The following FBXO27 variants were observed in gnomAD, a reference collection of about 807,000 sequenced individuals.
The protein encoded by FBXO27 is F-box protein 27.
FBXO27 carries 28 observed loss-of-function variants against 28.3 expected under a neutral mutation model. That is an observed-to-expected ratio of 0.99 (90% CI 0.73 to 1.36). The LOEUF (loss-of-function observed/expected upper bound fraction) is 1.36, where lower values mean the gene tolerates loss of function less well. Ranked by LOEUF, FBXO27 falls within the 40% of genes most tolerant of loss-of-function variation. The pLI is 0.00. For synonymous variants in FBXO27, 175 were observed against 167.3 expected (o/e 1.05, Z -0.36); for missense variants, 388 against 394.1 (o/e 0.98, Z 0.13).
At chr19:39,006,939 G>A (rs1457539669) in intron 2 of FBXO27, among the ~76,000 whole-genome samples, 1 of 151,780 alleles carries the variant, frequency 6.6e-6, no homozygotes, top group Non-Finnish European at 1.5e-5. Context: ...AAGGCATGGT[G>A]GTGTGCGCCT....
At chr19:39,018,874 G>C (rs2072831480) in intron 1 of FBXO27, among the ~76,000 whole-genome samples, 1 of 150,150 alleles carries the variant, frequency 6.7e-6, no homozygotes, top group Non-Finnish European at 1.5e-5. Flanking sequence ...TTCGAGACCA[G>C]CCTGGCCAAC....
At chr19:39,018,884 C>T (rs56405021) in intron 1 of FBXO27, among the ~76,000 whole-genome samples, 22 of 150,766 alleles carry the variant, frequency 1.5e-4, no homozygotes, top group African/African-American at 2.4e-4. Flanking sequence ...GCCTGGCCAA[C>T]GTGGCGAAAC....
Position 39,031,277 on chromosome 19 carries a change from C to T in FBXO27, c.408G>A (p.Trp136Ter), listed in dbSNP as rs901294561. The T allele has an allele frequency of 6.2e-7, 1 of 1,614,078 alleles. No individual in the cohort carries two copies. Among genetic ancestry groups the T allele is most frequent in the African/African-American group, 1.3e-5 (1 of 75,034 alleles). The change falls in exon 3 of 6, where the codon TGG (tryptophan) becomes TGA (stop). Residue 136 changes from tryptophan (W) to a stop codon, truncating the protein, a stop_gained. Coordinates refer to ENST00000292853, the MANE Select transcript of FBXO27 (RefSeq NM_178820.5). LOFTEE classifies it high-confidence loss of function. Reference protein sequence around the residue: ...KWMVQHGGDGWVVEENRTTVP... With the variant: ...KWMVQHGGDG Reference sequence around the variant, plus strand: ...CGGTTGTCCTGTTTTCCTCCACCACCCAGCCGTCCCCACCGTGTTGCACCA... The same window carrying T: ...CGGTTGTCCTGTTTTCCTCCACCACTCAGCCGTCCCCACCGTGTTGCACCA...
chr19:39,019,379 C>A (rs71356830), downstream of FBXO27, among the ~76,000 whole-genome samples: 3 of 114,918 alleles, frequency 2.6e-5, no homozygotes, highest in African/African-American at 9.9e-5. Context: ...GAGCCGAGAT[C>A]GTGCCATTGC....
chr19:39,026,901 A>G lies in FBXO27; in HGVS notation c.677T>C (p.Ile226Thr). ...LDKFSAVPDP[I>T]PQWNNNACLH... ...GCAGGCATTGTTGTTCCACTGCGGGATGGGATCAGGCACAGCAGAGAATTT... is the reference window on the plus strand; with the variant it reads ...GCAGGCATTGTTGTTCCACTGCGGGGTGGGATCAGGCACAGCAGAGAATTT... The change falls in exon 5 of 6, where the codon ATC (isoleucine) becomes ACC (threonine). Residue 226 changes from isoleucine to threonine, a missense_variant. Coordinates refer to ENST00000292853, the MANE Select transcript of FBXO27 (RefSeq NM_178820.5). 1 of 1,614,104 alleles carries G rather than the reference A, an allele frequency of 6.2e-7. No individual in the cohort carries two copies.
Position 39,032,114 on chromosome 19 carries a change from C to A in FBXO27, c.114G>T (p.Leu38=). The A allele has an allele frequency of 6.5e-7, 1 of 1,534,042 alleles. No homozygotes were observed. Among genetic ancestry groups the A allele is most frequent in the Non-Finnish European group, 8.7e-7 (1 of 1,148,444 alleles). ...QLPPELLLVV[L]SHVPPRTLLG... ...GCAGCGTGCGCGGGGGGACGTGGCTCAGCACCACCAGAAGCAGCTCTGGGG... is the reference window on the plus strand; with the variant it reads ...GCAGCGTGCGCGGGGGGACGTGGCTAAGCACCACCAGAAGCAGCTCTGGGG... The change falls in exon 2 of 6, where the codon CTG becomes CTT. Residue 38 remains leucine, a synonymous_variant. Coordinates refer to ENST00000292853, the MANE Select transcript of FBXO27 (RefSeq NM_178820.5). The surrounding 1 kb of genome is among the most constrained non-coding windows in gnomAD (Gnocchi z 4.7).
At chr19:39,026,599 G>A (rs1044184437) in intron 5 of FBXO27, among the ~76,000 whole-genome samples, 8 of 152,056 alleles carry the variant, frequency 5.3e-5, no homozygotes, top group African/African-American at 1.9e-4. Context: ...TCAGCTTCCC[G>A]AGTAGCTGGG....
rs1359998445 is a variant in FBXO27 at position 39,024,301 on chromosome 19, A to G, written c.*1110T>C. ...GAGTGCAGTGGTATGATCATGGCTC[A>G]CTATAGCCTCAACCTGGGCACAAAT... On this transcript the variant is annotated 3_prime_UTR_variant, in exon 6 of 6. Coordinates refer to ENST00000292853, the MANE Select transcript of FBXO27 (RefSeq NM_178820.5). The G allele has an allele frequency of 1.3e-5, 2 of 151,894 alleles. No homozygotes were observed. The highest frequency in any genetic ancestry group is 2.9e-5 in the Non-Finnish European group (2 of 68,140). The allele number at this position is 151,894 out of a possible 1,614,324, so 9.4% of individuals were successfully genotyped here.
At chr19:39,029,269 TA>T (rs1008496106) in intron 4 of FBXO27, among the ~76,000 whole-genome samples, 1 of 146,798 alleles carries the variant, frequency 6.8e-6, no homozygotes, top group East Asian at 2.0e-4. Flanking sequence ...CTACTAAAAA[TA>T]AAAAAAAATA....
At chr19:39,010,960 T>C (rs1257948831) in intron 2 of FBXO27, among the ~76,000 whole-genome samples, 1 of 152,252 alleles carries the variant, frequency 6.6e-6, no homozygotes, top group Non-Finnish European at 1.5e-5. Context: ...ACATTACTTA[T>C]GCCAGGACCA....
chr19:39,030,643 G>T, intron 4 of FBXO27: 1 of 190,312 alleles, frequency 5.3e-6, no homozygotes, highest in South Asian at 1.2e-4. Context: ...TTCCAGGACT[G>T]AGTCTCACTC....
chr19:39,011,660 ATTTTC>A (rs1461580542), intron 2 of FBXO27, among the ~76,000 whole-genome samples: 1 of 141,290 alleles, frequency 7.1e-6, no homozygotes, highest in Non-Finnish European at 1.5e-5. Context: ...AATACAACTA[ATTTTC>A]TTTTCTTATT....
chr19:39,031,156 A>G (rs1228462232), intron 3 of FBXO27, 32 bp from the exon 4 acceptor site: 1 of 1,611,056 alleles, frequency 6.2e-7, no homozygotes, highest in South Asian at 1.1e-5. Flanking sequence ...TAATGAGAAC[A>G]GGCAGGCCTT....
At chr19:39,025,592 A>G in intron 5 of FBXO27, 38 bp from the exon 6 acceptor site, 1 of 1,590,562 alleles carries the variant, frequency 6.3e-7, no homozygotes, top group African/African-American at 1.3e-5. Flanking sequence ...ATTGTGCCAC[A>G]GCCTCCCCTC....
downstream of FBXO27, among the ~76,000 whole-genome samples, chr19:39,021,568 C>T (rs573884392): frequency 1.3e-5 from 2 of 152,284 alleles, no homozygotes; most frequent in Non-Finnish European, 2.9e-5. Context: ...TAATAACATA[C>T]AACATATGTG....
At chr19:39,012,195 T>C (rs1481351930) in intron 2 of FBXO27, among the ~76,000 whole-genome samples, 1 of 149,878 alleles carries the variant, frequency 6.7e-6, no homozygotes, top group African/African-American at 2.5e-5. Flanking sequence ...AACCTTTTTT[T>C]TTTTTTTTGA....
chr19:39,025,557 G>A lies in FBXO27; in HGVS notation c.709-3C>T. The A allele has an allele frequency of 6.2e-7, 1 of 1,612,394 alleles. No individual in the cohort carries two copies. Among genetic ancestry groups the A allele is most frequent in the Non-Finnish European group, 8.5e-7 (1 of 1,178,988 alleles). On this transcript the variant is annotated splice_region_variant and splice_polypyrimidine_tract_variant and intron_variant, in intron 5 of 5. Transcript: ENST00000292853. ...ATGTTGGAGAACACGTGGGTGACCT[G>A]TAGGCAGAGGAGGGGCTCAGCTCCA...
intron 3 of FBXO27, 35 bp from the exon 4 acceptor site, chr19:39,031,159 C>T: frequency 6.2e-7 from 1 of 1,612,940 alleles, no homozygotes; most frequent in South Asian, 1.1e-5. Context: ...TGAGAACAGG[C>T]AGGCCTTTCT....
chr19:39,013,384 C>A (rs562656886), intron 2 of FBXO27, among the ~76,000 whole-genome samples: 7 of 152,116 alleles, frequency 4.6e-5, no homozygotes, highest in Non-Finnish European at 8.8e-5. Flanking sequence ...AATCCCAGCA[C>A]TTTGGGAGGC....
Sources: allele counts gnomAD v4.1 joint callset (sites outside exome capture counted in the v4.1 genomes callset), GRCh38; gene constraint gnomAD v4.1.1; non-coding constraint Gnocchi (gnomAD v3.1); transcripts MANE v1.5; gene names NCBI Gene and HGNC (gene_info 2026-07-23, HGNC 2026-07-21).